Variants in GYG1 observed in about 807,000 individuals in gnomAD.
GYG1 encodes glycogenin 1.
In GYG1, 44 loss-of-function variants were observed where a neutral mutation model predicts 41.9. The ratio of observed to expected loss-of-function variants is 1.05; its 90% CI spans 0.83 to 1.35. The LOEUF is 1.35. Among genes scored for constraint, GYG1 ranks in the 40% most tolerant of loss-of-function variants. The probability of loss-of-function intolerance (pLI) is 0.00; values close to 1 mark genes in which losing one functional copy is unlikely to be tolerated. For missense variants in GYG1, 429 were observed against 418.9 expected (o/e 1.02, Z -0.21); for synonymous variants, 141 against 158.1 (o/e 0.89, Z 0.81).
At chr3:149,011,535 T>C (rs1713724227) in intron 5 of GYG1, among the ~76,000 whole-genome samples, 1 of 152,190 alleles carries the variant, frequency 6.6e-6, no homozygotes, top group Non-Finnish European at 1.5e-5. Context: ...CGTTGTACCT[T>C]TCGGGGATAG....
At chr3:148,996,626 GC>G in intron 3 of GYG1, 115 bp from the exon 4 acceptor site, 1 of 1,179,570 alleles carries the variant, frequency 8.5e-7, no homozygotes, top group Non-Finnish European at 1.3e-6. Flanking sequence ...AGGAGAGGAG[GC>G]CCAGGCTGCC....
In GYG1 at chr3:149,024,049, G is replaced by A. The variant is rs1473285860; in HGVS notation, c.609-4G>A. On this transcript the variant is annotated splice_region_variant and splice_polypyrimidine_tract_variant and intron_variant, in intron 5 of 7. Coordinates refer to ENST00000345003, the MANE Select transcript of GYG1 (RefSeq NM_004130.4). ...AACTGTTTCAACTTGCGTTCACTTG[G>A]CAGGTTTGGTGCAAGTGCCAAAGTT... 1 of 1,610,158 alleles carries A rather than the reference G, an allele frequency of 6.2e-7. No individual in the cohort carries two copies. The highest frequency in any genetic ancestry group is 1.7e-5 in the Admixed American group (1 of 60,010).
In GYG1 at chr3:149,024,329, G is replaced by A. The variant is rs924361657; in HGVS notation, c.828+57G>A. 18 of 1,035,482 alleles carry A rather than the reference G, an allele frequency of 1.7e-5. No homozygotes were observed. In the Admixed American group the frequency reaches 2.7e-4, roughly 16 times the overall value. The allele number at this position is 1,035,482 out of a possible 1,614,324, so 64.1% of individuals were successfully genotyped here. On this transcript the variant is annotated intron_variant, in intron 6 of 7. Transcript: ENST00000345003. ...AATGCTGCTTTTTAAAAAAATTGTT[G>A]TATCAATAGAGATGTGGAATATTTA... is the stretch of plus-strand genomic sequence containing the variant.
intron 5 of GYG1, among the ~76,000 whole-genome samples, chr3:149,014,851 G>A (rs559497905): frequency 6.5e-5 from 9 of 138,434 alleles, no homozygotes; most frequent in African/African-American, 1.1e-4. Context: ...CTGGGTGACA[G>A]AGCAAGACTC....
In GYG1 at chr3:149,017,582, G is replaced by GTT. The variant is rs58075146; in HGVS notation, c.609-6442_609-6441dup. Among the ~76,000 whole-genome samples the GTT allele has an allele frequency of 9.9e-3, 468 of 47,350 alleles. 158 individuals carry two copies. The highest frequency in any genetic ancestry group is 0.013 in the Non-Finnish European group (282 of 20,916). The allele number at this position is 47,350 out of a possible 152,430, so 31.1% of individuals were successfully genotyped here. On this transcript the variant is annotated intron_variant, in intron 5 of 7. Coordinates refer to ENST00000345003, the MANE Select transcript of GYG1 (RefSeq NM_004130.4). ...TTATTTATTTATTTCTTTTATTTAG[G>GTT]TTTTTTTTTTTTTTTTTTTTTTTTT...
chr3:149,013,374 A>G (rs915170919), intron 5 of GYG1, among the ~76,000 whole-genome samples: 22 of 152,150 alleles, frequency 1.4e-4, no homozygotes, highest in African/African-American at 5.3e-4. Context: ...GCTTTCTATT[A>G]TATCCACTGA....
intron 4 of GYG1, among the ~76,000 whole-genome samples, chr3:149,007,295 A>T (rs1471409582): frequency 6.6e-6 from 1 of 152,228 alleles, no homozygotes; most frequent in South Asian, 2.1e-4. Flanking sequence ...ATTTCAATGT[A>T]GGAATTTTGG....
At chr3:149,022,875 T>G (rs1272834529) in intron 5 of GYG1, among the ~76,000 whole-genome samples, 2 of 152,196 alleles carry the variant, frequency 1.3e-5, no homozygotes. Flanking sequence ...TTTTAAAAAT[T>G]CATCTTTTTG....
chr3:149,021,806 C>G (rs1469845832), intron 5 of GYG1, among the ~76,000 whole-genome samples: 1 of 151,464 alleles, frequency 6.6e-6, no homozygotes, highest in Non-Finnish European at 1.5e-5. Context: ...AAAGGTTACA[C>G]GAGTTTGTAT....
At position 149,024,040 on chromosome 3, in the gene GYG1, G is replaced by A. The variant is rs768737015; in HGVS notation, c.609-13G>A. 54 of 1,600,306 alleles carry A rather than the reference G, an allele frequency of 3.4e-5. No homozygotes were observed. The highest frequency in any genetic ancestry group is 3.0e-4 in the South Asian group (27 of 90,780). Reference sequence around the variant, plus strand: ...GAATCCACTAACTGTTTCAACTTGCGTTCACTTGGCAGGTTTGGTGCAAGT... The same window carrying A: ...GAATCCACTAACTGTTTCAACTTGCATTCACTTGGCAGGTTTGGTGCAAGT... On this transcript the variant is annotated splice_polypyrimidine_tract_variant and intron_variant, in intron 5 of 7. Transcript: ENST00000345003.
At chr3:149,017,576 ATTTAGGTTTTTTTTTTTTTTTTTTTT>A (rs1185661177) in intron 5 of GYG1, among the ~76,000 whole-genome samples, 18 of 30,152 alleles carry the variant, frequency 6.0e-4, no homozygotes, top group African/African-American at 1.2e-3. Flanking sequence ...TATTTCTTTT[ATTTAGGTTTTTTTTTTTTTTTTTTTT>A]TTTTTTTTTT....
rs1714732229 is a variant in GYG1 at position 149,027,679 on chromosome 3, A to G, written c.*746A>G. The G allele has an allele frequency of 6.6e-6, 1 of 152,272 alleles. No homozygotes were observed. Among genetic ancestry groups the G allele is most frequent in the African/African-American group, 2.4e-5 (1 of 41,466 alleles). The allele number at this position is 152,272 out of a possible 1,614,324, so 9.4% of individuals were successfully genotyped here. A position where few individuals can be genotyped will look rare whatever the true frequency, so the allele number is the denominator to read the frequency against. On this transcript the variant is annotated 3_prime_UTR_variant, in exon 8 of 8. Coordinates refer to ENST00000345003, the MANE Select transcript of GYG1 (RefSeq NM_004130.4). Reference sequence around the variant, plus strand: ...AAGGAATTTCACCATACACCCTTGAACAAATCTATTAGGGAATTTTTCACA... The same window carrying G: ...AAGGAATTTCACCATACACCCTTGAGCAAATCTATTAGGGAATTTTTCACA...
intron 5 of GYG1, among the ~76,000 whole-genome samples, chr3:149,014,867 CA>C (rs113311454): frequency 0.38 from 42,209 of 110,854 alleles, 5,753 homozygotes; most frequent in Middle Eastern, 0.49. Flanking sequence ...GACTCTGTCT[CA>C]AAAAAAAAAA....
chr3:148,996,286 G>A lies in GYG1; in HGVS notation c.144-16G>A. On this transcript the variant is annotated splice_polypyrimidine_tract_variant and intron_variant, in intron 2 of 7. Transcript: ENST00000345003. ...AAAAGATGCTAAGTGTGGTATTCTGGATTTTATTTTGACAGAAAAGTTTTA... is the reference window on the plus strand; with the variant it reads ...AAAAGATGCTAAGTGTGGTATTCTGAATTTTATTTTGACAGAAAAGTTTTA... 1.9e-6 allele frequency: 3 copies of A among 1,595,724 alleles called. No homozygotes were observed. The highest frequency in any genetic ancestry group is 2.6e-6 in the Non-Finnish European group (3 of 1,164,920).
intron 5 of GYG1, among the ~76,000 whole-genome samples, chr3:149,016,277 C>CAAAAAAAAAAAAAAAAAAAA: frequency 1.0e-5 from 1 of 99,750 alleles, no homozygotes; most frequent in Non-Finnish European, 2.1e-5. Context: ...AAAAAAAAAA[C>CAAAAAAAAAAAAAAAAAAAA]AAAAAAGAAA....
At chr3:148,991,775 G>A in intron 1 of GYG1, 128 bp downstream of exon 1, 2 of 763,940 alleles carry the variant, frequency 2.6e-6, no homozygotes, top group Non-Finnish European at 4.1e-6. Context: ...AAAGTTGCTG[G>A]CTGGCCGCAG....
chr3:149,013,471 C>T (rs1471224842), intron 5 of GYG1, among the ~76,000 whole-genome samples: 1 of 152,190 alleles, frequency 6.6e-6, no homozygotes, highest in African/African-American at 2.4e-5. Context: ...CAAACCACTA[C>T]ATAAATTAAT....
intron 5 of GYG1, among the ~76,000 whole-genome samples, chr3:149,009,966 A>G (rs1327388662): frequency 6.6e-6 from 1 of 152,126 alleles, no homozygotes; most frequent in Non-Finnish European, 1.5e-5. Flanking sequence ...ATGTCTTCAT[A>G]GGGTTATTGT....
intron 4 of GYG1, among the ~76,000 whole-genome samples, chr3:148,998,819 G>A (rs577200501): frequency 6.6e-4 from 100 of 152,298 alleles, no homozygotes; most frequent in African/African-American, 2.2e-3. Context: ...TTTAGCAGAA[G>A]TCCACTGTTT....
Sources: gnomAD v4.1 joint callset for allele counts (sites outside exome capture counted in the v4.1 genomes callset) on GRCh38, gnomAD v4.1.1 for gene constraint, MANE v1.5 for transcripts, NCBI Gene and HGNC (gene_info 2026-07-23, HGNC 2026-07-21) for gene names.